ABLIM2: variants seen among roughly 807,000 people sequenced by gnomAD.
ABLIM2 encodes the protein actin binding LIM protein family member 2, also known as actin-binding LIM protein 2.
ABLIM2 carries 53 observed loss-of-function variants against 97.7 expected under a neutral mutation model. The observed-to-expected ratio is 0.54, with a 90% CI of 0.44 to 0.68. The LOEUF (loss-of-function observed/expected upper bound fraction) is 0.68. Among genes scored for constraint, ABLIM2 ranks in the 30% least tolerant of loss-of-function variants. The probability of loss-of-function intolerance (pLI) is 0.00; values close to 1 mark genes in which losing one functional copy is unlikely to be tolerated. For missense variants in ABLIM2, 835 were observed against 867.2 expected (o/e 0.96, Z 0.47); for synonymous variants, 361 against 345.8 (o/e 1.04, Z -0.49).
rs539153809 is a variant in ABLIM2, at chr4:8,003,506, T to G, written c.1618+4553A>C. 6.6e-6 allele frequency among the ~76,000 whole-genome samples: 1 copy of G among 151,822 alleles called. No individual in the cohort carries two copies. The highest frequency in any genetic ancestry group is 1.5e-5 in the Non-Finnish European group (1 of 67,956). On this transcript the variant is annotated intron_variant, in intron 16 of 20. Coordinates refer to ENST00000447017, the MANE Select transcript of ABLIM2 (RefSeq NM_001130083.2). The surrounding 1 kb of genome is among the most constrained non-coding windows in gnomAD (Gnocchi z 4.2). ...GAAGTTGGGGACTGCCTGAATCTGT[T>G]GACTGGCAGCTCCCACCCACTGTCT...
chr4:8,064,237 G>A (rs138116794), intron 6 of ABLIM2, among the ~76,000 whole-genome samples: 240 of 152,318 alleles, frequency 1.6e-3, no homozygotes, highest in African/African-American at 5.3e-3. Context: ...TTGTGGCACC[G>A]AGCATTTGTT....
Position 8,002,628 on chromosome 4 carries a change from C to T in ABLIM2, c.1618+5431G>A, listed in dbSNP as rs1192449423. The stretch of plus-strand genomic sequence containing the variant: ...ACCAGCTTCTGGCGAGTCCCAGCTC[C>T]GCCACCCTCACCGTCTCGGTTTCCC... On this transcript the variant is annotated intron_variant, in intron 16 of 20. Coordinates refer to ENST00000447017, the MANE Select transcript of ABLIM2 (RefSeq NM_001130083.2). The surrounding 1 kb of genome is among the most constrained non-coding windows in gnomAD (Gnocchi z 6.1). Among the ~76,000 whole-genome samples the T allele has an allele frequency of 1.3e-5, 2 of 152,158 alleles. No homozygotes were observed. The highest frequency in any genetic ancestry group is 6.5e-5 in the Admixed American group (1 of 15,286).
intron 1 of ABLIM2, among the ~76,000 whole-genome samples, chr4:8,110,351 C>G (rs544536543): frequency 6.6e-6 from 1 of 152,138 alleles, no homozygotes; most frequent in African/African-American, 2.4e-5. Context: ...GGGGACAGCG[C>G]GGGTGGTGGG....
At chr4:8,045,425 C>T (rs111257249) in intron 8 of ABLIM2, among the ~76,000 whole-genome samples, 184 bp from the exon 9 acceptor site, 25 of 152,250 alleles carry the variant, frequency 1.6e-4, no homozygotes, top group African/African-American at 5.1e-4. Context: ...CTGAGGTGGG[C>T]GGATCACGAG....
chr4:8,028,319 C>A (rs181184844), intron 11 of ABLIM2, among the ~76,000 whole-genome samples: 74 of 152,340 alleles, frequency 4.9e-4, no homozygotes, highest in African/African-American at 1.6e-3. Flanking sequence ...ATTGAGCCAG[C>A]AAAGGGCCCT....
chr4:8,151,516 G>A (rs924835724), intron 1 of ABLIM2, among the ~76,000 whole-genome samples: 11 of 152,300 alleles, frequency 7.2e-5, no homozygotes, highest in Middle Eastern at 3.4e-3. Flanking sequence ...GACCCTCAGC[G>A]TGAGGCCCAA....
At position 8,121,283 on chromosome 4, in the gene ABLIM2, G is replaced by A. The variant is rs187207101; in HGVS notation, c.11-14646C>T. 2.8e-3 allele frequency among the ~76,000 whole-genome samples: 432 copies of A among 152,334 alleles called. 3 individuals carry two copies. Among genetic ancestry groups the A allele is most frequent in the African/African-American group, 9.7e-3 (405 of 41,568 alleles). On this transcript the variant is annotated intron_variant, in intron 1 of 20. Transcript: ENST00000447017. ...TTCCAGGGGCAGAGCTGGGAGAGAC[G>A]GTACTGGGCAGCCACCCCCGCTCAG...
In ABLIM2 at chr4:8,122,626, G is replaced by A. The variant is rs924806998; in HGVS notation, c.11-15989C>T. 6.6e-6 allele frequency among the ~76,000 whole-genome samples: 1 copy of A among 152,190 alleles called. No individual in the cohort carries two copies. The highest frequency in any genetic ancestry group is 2.4e-5 in the African/African-American group (1 of 41,440). ...CCTCCTCCAAATAGCGTCACCCTGG[G>A]GGTTTGGGCTTCCAAGTGTGAATGC... On this transcript the variant is annotated intron_variant, in intron 1 of 20. Transcript: ENST00000447017. The surrounding 1 kb of genome is among the most constrained non-coding windows in gnomAD (Gnocchi z 4.1).
rs1832201697 is a variant in ABLIM2 at position 8,097,377 on chromosome 4, C to T, written c.155-95G>A. The T allele has an allele frequency of 4.2e-6, 6 of 1,427,894 alleles. No individual in the cohort carries two copies. In the African/African-American group the frequency reaches 7.2e-5, roughly 17 times the overall value. The allele number at this position is 1,427,894 out of a possible 1,614,324, so 88.5% of individuals were successfully genotyped here. On this transcript the variant is annotated intron_variant, in intron 2 of 20. Coordinates refer to ENST00000447017, the MANE Select transcript of ABLIM2 (RefSeq NM_001130083.2). ...GCACCCCCCTCCACACACACACCAC[C>T]ACCTGACACAGGCACTGAGGCCTCG...
At position 8,033,989 on chromosome 4, in the gene ABLIM2, A is replaced by C. The variant is rs992087835; in HGVS notation, c.1047+2160T>G. On this transcript the variant is annotated intron_variant, in intron 10 of 20. Transcript: ENST00000447017. The surrounding 1 kb of genome is among the most constrained non-coding windows in gnomAD (Gnocchi z 4.5). ...CAGGAAGGGGTGTGCCCGATGCCCC[A>C]AGGCTGCCAGGAGGTGGAGGAGGAT... Among the ~76,000 whole-genome samples, 6 of 152,140 alleles carry C rather than the reference A, an allele frequency of 3.9e-5. No homozygotes were observed. The highest frequency in any genetic ancestry group is 8.8e-5 in the Non-Finnish European group (6 of 68,002).
Position 7,992,783 on chromosome 4 carries a change from G to A in ABLIM2, c.1680+83C>T. The A allele has an allele frequency of 1.3e-6, 2 of 1,488,908 alleles. No individual in the cohort carries two copies. The highest frequency in any genetic ancestry group is 2.4e-5 in the South Asian group (2 of 83,994). The allele number at this position is 1,488,908 out of a possible 1,614,324, so 92.2% of individuals were successfully genotyped here. On this transcript the variant is annotated intron_variant, in intron 17 of 20. Transcript: ENST00000447017. This position sits in a 1 kb window ranked among gnomAD's most constrained non-coding sequence, Gnocchi z 5.7. ...GGTCCCCGGGGCCTCTCCTCCTGCTGTGTGGTCAAGAAGCTGTGGGAAACG... is the reference window on the plus strand; with the variant it reads ...GGTCCCCGGGGCCTCTCCTCCTGCTATGTGGTCAAGAAGCTGTGGGAAACG...
intron 9 of ABLIM2, among the ~76,000 whole-genome samples, chr4:8,037,975 C>A (rs1226812797): frequency 1.3e-5 from 2 of 152,228 alleles, no homozygotes; most frequent in African/African-American, 4.8e-5. Flanking sequence ...TGCTCTTGCC[C>A]CTGCCTGTCC....
chr4:8,152,678 C>T (rs1028102386), intron 1 of ABLIM2, among the ~76,000 whole-genome samples: 11 of 152,326 alleles, frequency 7.2e-5, no homozygotes, highest in East Asian at 5.8e-4. Flanking sequence ...GTCCATCATG[C>T]GGGGATGACT....
At chr4:8,136,784 G>A (rs971512625) in intron 1 of ABLIM2, among the ~76,000 whole-genome samples, 1 of 152,372 alleles carries the variant, frequency 6.6e-6, no homozygotes, top group Admixed American at 6.5e-5. Context: ...GTCCTGCCAC[G>A]TGGCCTCGGG....
intron 4 of ABLIM2, among the ~76,000 whole-genome samples, chr4:8,081,872 T>C (rs567828007): frequency 2.1e-4 from 32 of 152,268 alleles, no homozygotes; most frequent in African/African-American, 7.5e-4. Flanking sequence ...CATTGATTCA[T>C]GGATCACACA....
At chr4:8,060,806 C>A (rs369448495) in intron 7 of ABLIM2, among the ~76,000 whole-genome samples, 161 bp downstream of exon 7, 174 of 152,346 alleles carry the variant, frequency 1.1e-3, no homozygotes, top group South Asian at 9.1e-3. Flanking sequence ...TGGCCTGGCA[C>A]GTGCCACCGC....
intron 1 of ABLIM2, among the ~76,000 whole-genome samples, chr4:8,156,017 G>A (rs916399719): frequency 6.6e-6 from 1 of 152,194 alleles, no homozygotes; most frequent in African/African-American, 2.4e-5. Flanking sequence ...CTGGTCTTTA[G>A]TACTTTGTTA....
chr4:7,976,274 G>C (rs745625789), intron 20 of ABLIM2, among the ~76,000 whole-genome samples: 1 of 151,948 alleles, frequency 6.6e-6, no homozygotes, highest in Non-Finnish European at 1.5e-5. Context: ...CCGCCCCTTC[G>C]ACTTCCCACA....
chr4:7,979,710 T>C (rs1378321019), intron 20 of ABLIM2, among the ~76,000 whole-genome samples: 6 of 152,242 alleles, frequency 3.9e-5, no homozygotes, highest in African/African-American at 7.2e-5. Flanking sequence ...CTCTCCCGGT[T>C]ATCTAAGATG....
Sources: gnomAD v4.1 joint callset for allele counts (sites outside exome capture counted in the v4.1 genomes callset) on GRCh38, gnomAD v4.1.1 for gene constraint, Gnocchi (gnomAD v3.1) non-coding constraint, MANE v1.5 for transcripts, NCBI Gene and HGNC (gene_info 2026-07-23, HGNC 2026-07-21) for gene names.